The following COL12A1 variants were observed in gnomAD, a reference collection of about 807,000 sequenced individuals.
The protein encoded by COL12A1 is collagen alpha-1(XII) chain.
In COL12A1, 114 loss-of-function variants were observed where a neutral mutation model predicts 349.7. The observed-to-expected ratio is 0.33, with a 90% confidence interval of 0.28 to 0.38. The LOEUF (loss-of-function observed/expected upper bound fraction) is 0.38. Ranked by LOEUF, COL12A1 falls within the 10% of genes least tolerant of loss-of-function variation. The probability of loss-of-function intolerance (pLI) is 1.00; values close to 1 mark genes in which losing one functional copy is unlikely to be tolerated. For missense variants in COL12A1, 3,284 were observed against 3,756.9 expected, an observed-to-expected ratio of 0.87 and a Z score of 3.29; for synonymous variants, 1,369 against 1,329.0, an observed-to-expected ratio of 1.03 and a Z score of -0.66.
intron 1 of COL12A1, among the ~76,000 whole-genome samples, chr6:75,203,390 C>G (rs1245198828): frequency 6.6e-6 from 1 of 152,062 alleles, no homozygotes; most frequent in Non-Finnish European, 1.5e-5. Context: ...GAAACCTGAC[C>G]CTCCTGCTAA....
chr6:75,120,469 G>A (rs1351484301), intron 44 of COL12A1, among the ~76,000 whole-genome samples: 1 of 152,146 alleles, frequency 6.6e-6, no homozygotes, highest in Non-Finnish European at 1.5e-5. Context: ...AAGAAAAGGA[G>A]AGAATTGTTT....
In COL12A1 at chr6:75,086,523, A is replaced by G. The variant is rs1348345423; in HGVS notation, c.*24T>C. On this transcript the variant is annotated 3_prime_UTR_variant, in exon 66 of 66. Coordinates refer to ENST00000322507, the MANE Select transcript of COL12A1 (RefSeq NM_004370.6). ...ATTTTCATGTATTCAAACTGTAAGC[A>G]GCACTGGCGACTTAGAAAATGTGTT... is the stretch of plus-strand genomic sequence containing the variant. 1.2e-6 allele frequency: 2 copies of G among 1,606,152 alleles called. No individual in the cohort carries two copies. The highest frequency in any genetic ancestry group is 8.5e-7 in the Non-Finnish European group (1 of 1,175,176).
chr6:75,115,702 C>A, intron 49 of COL12A1, 82 bp downstream of exon 49: 1 of 1,500,818 alleles, frequency 6.7e-7, no homozygotes, highest in Non-Finnish European at 8.9e-7. Flanking sequence ...TCTAAAGTCC[C>A]AGGATTCTGG....
chr6:75,168,107 T>A (rs755236635), intron 13 of COL12A1, among the ~76,000 whole-genome samples: 3 of 152,158 alleles, frequency 2.0e-5, no homozygotes, highest in Non-Finnish European at 4.4e-5. Flanking sequence ...AGGAGAAAGA[T>A]AGTTCAATCG....
intron 39 of COL12A1, 115 bp downstream of exon 39, chr6:75,126,236 C>G: frequency 8.2e-7 from 1 of 1,219,412 alleles, no homozygotes; most frequent in Non-Finnish European, 1.1e-6. Flanking sequence ...TTACAGGAAA[C>G]TTGGTGTGAT....
In COL12A1 at chr6:75,091,357, T is replaced by C; in HGVS notation, c.8718A>G (p.Ala2906=). Residue 2906 remains alanine, a synonymous_variant, in exon 62 of 66, where the codon GCA becomes GCG. Transcript: ENST00000322507. Reference sequence around the variant, plus strand: ...ATTGTTCACAGACTTGTCTTGCAACTGCTCGCATCATGTTCTGGGAAGCAA... The same window carrying C: ...ATTGTTCACAGACTTGTCTTGCAACCGCTCGCATCATGTTCTGGGAAGCAA... ...GDIASQNMMR[A]VARQVCEQLI... 1 of 1,613,836 alleles carries C rather than the reference T, an allele frequency of 6.2e-7. No individual in the cohort carries two copies. The highest frequency in any genetic ancestry group is 8.5e-7 in the Non-Finnish European group (1 of 1,179,938).
intron 52 of COL12A1, among the ~76,000 whole-genome samples, chr6:75,106,818 T>G (rs76925099): frequency 6.6e-6 from 1 of 152,072 alleles, no homozygotes; most frequent in Non-Finnish European, 1.5e-5. Context: ...ATTCACCTCT[T>G]TGGCTGAAAT....
chr6:75,183,602 C>T lies in COL12A1; in HGVS notation c.1339G>A (p.Gly447Ser). 2 of 1,612,932 alleles carry T rather than the reference C, an allele frequency of 1.2e-6. No homozygotes were observed. The highest frequency in any genetic ancestry group is 1.1e-5 in the South Asian group (1 of 90,744). ...TTTGCAATCCCAATGCTATAGGAGCCATCAACCAAAAACACAATATCGGCT... is the reference window on the plus strand; with the variant it reads ...TTTGCAATCCCAATGCTATAGGAGCTATCAACCAAAAACACAATATCGGCT... ...IKADIVFLVD[G>S]SYSIGIANFV... The change falls in exon 10 of 66, where the codon GGC (glycine) becomes AGC (serine). Residue 447 changes from glycine (G) to serine (S), a missense_variant. Physicochemically the swap from Gly to Ser is moderately conservative, Grantham distance 56. Transcript: ENST00000322507.
intron 2 of COL12A1, among the ~76,000 whole-genome samples, chr6:75,197,680 G>A (rs959070097): frequency 1.3e-5 from 2 of 152,100 alleles, no homozygotes; most frequent in African/African-American, 4.8e-5. Flanking sequence ...TGCATAGGAT[G>A]AGAATCCAAA....
intron 13 of COL12A1, among the ~76,000 whole-genome samples, chr6:75,167,023 T>C: frequency 6.6e-6 from 1 of 152,152 alleles, no homozygotes; most frequent in East Asian, 1.9e-4. Flanking sequence ...GGAAGGAAAT[T>C]AGTTACATAT....
At chr6:75,123,226 A>T (rs1290882710) in intron 43 of COL12A1, 104 bp downstream of exon 43, 1 of 1,026,432 alleles carries the variant, frequency 9.7e-7, no homozygotes, top group Non-Finnish European at 1.5e-6. Context: ...GCAATAATAG[A>T]TCAGAAATGT....
At chr6:75,124,146 A>G in intron 41 of COL12A1, 52 bp from the exon 42 acceptor site, 1 of 1,595,932 alleles carries the variant, frequency 6.3e-7, no homozygotes, top group Non-Finnish European at 8.6e-7. Flanking sequence ...TTATATTTCA[A>G]GAAAATTTTA....
chr6:75,115,661 C>A, intron 49 of COL12A1, 123 bp downstream of exon 49: 1 of 1,236,776 alleles, frequency 8.1e-7, no homozygotes, highest in Non-Finnish European at 1.1e-6. Context: ...GAAAACCAAT[C>A]AGGGTCATCC....
chr6:75,179,582 A>G (rs1022716484), intron 11 of COL12A1, among the ~76,000 whole-genome samples: 2 of 152,130 alleles, frequency 1.3e-5, no homozygotes, highest in African/African-American at 4.8e-5. Context: ...TATCTGAAAA[A>G]TGTTTCACAG....
chr6:75,152,237 A>G lies in COL12A1; in HGVS notation c.3729T>C (p.Tyr1243=), dbSNP rs374534617. ...GCCACTCTGTTCTGGGATCCCCACT[A>G]TACTGAGCAAGAGCTAAAATGACAC... ...PKRVQIALAQ[Y]SGDPRTEWQL... is the part of the protein sequence containing the mutation. The change falls in exon 19 of 66, where the codon TAT becomes TAC. Residue 1243 remains tyrosine, a synonymous_variant. Transcript: ENST00000322507. The G allele has an allele frequency of 1.6e-5, 26 of 1,613,622 alleles. No individual in the cohort carries two copies. The highest frequency in any genetic ancestry group is 1.9e-5 in the Non-Finnish European group (23 of 1,179,756).
Position 75,113,369 on chromosome 6 carries a change from A to C in COL12A1, c.7841-56T>G. The C allele has an allele frequency of 2.6e-6, 3 of 1,146,358 alleles. No homozygotes were observed. In the South Asian group the frequency reaches 5.0e-5, roughly 19 times the overall value. The allele number at this position is 1,146,358 out of a possible 1,614,324, so 71.0% of individuals were successfully genotyped here. A position where few individuals can be genotyped will look rare whatever the true frequency, so the allele number is the denominator to read the frequency against. ...ATATGCATTGTATAATTTTTATTTA[A>C]AGTATTAGCAAATAATTCTTGTTGG... is the stretch of plus-strand genomic sequence containing the variant. On this transcript the variant is annotated intron_variant, in intron 50 of 65. Transcript: ENST00000322507.
At chr6:75,142,291 T>C in intron 26 of COL12A1, 130 bp from the exon 27 acceptor site, 3 of 1,061,000 alleles carry the variant, frequency 2.8e-6, no homozygotes, top group Admixed American at 4.5e-5. Flanking sequence ...TTTTCCAATA[T>C]ACATGAGAAT....
chr6:75,154,317 A>G lies in COL12A1; in HGVS notation c.3565+99T>C, dbSNP rs554086360. ...TTATTGAAATAAATTTTAGTGTAAA[A>G]TTTGTATCATTGTTTTCCATTGTAT... On this transcript the variant is annotated intron_variant, in intron 17 of 65. Transcript: ENST00000322507. The G allele has an allele frequency of 7.6e-4, 1,008 of 1,323,002 alleles. 1 individual carries two copies. Among genetic ancestry groups the G allele is most frequent in the Middle Eastern group, 3.8e-3 (19 of 5,008 alleles). 82.0% of individuals were successfully genotyped at this position (1,323,002 alleles called of 1,614,324 possible). A position where few individuals can be genotyped will look rare whatever the true frequency, so the allele number is the denominator to read the frequency against.
chr6:75,152,244 G>T lies in COL12A1; in HGVS notation c.3722C>A (p.Ala1241Asp). The T allele has an allele frequency of 1.2e-6, 2 of 1,613,732 alleles. No individual in the cohort carries two copies. The highest frequency in any genetic ancestry group is 8.5e-7 in the Non-Finnish European group (1 of 1,179,752). ...IGPKRVQIAL[A>D]QYSGDPRTEW... ...TGTTCTGGGATCCCCACTATACTGA[G>T]CAAGAGCTAAAATGACACCACTGGC... The change falls in exon 19 of 66, where the codon GCT becomes GAT. Residue 1241 changes from alanine (A) to aspartate (D), a missense_variant. This residue lies in a region of COL12A1 where 2,601 missense variants were observed against 2,824.8 expected (regional missense o/e 0.92). Transcript: ENST00000322507.
Sources: allele counts gnomAD v4.1 joint callset (sites outside exome capture counted in the v4.1 genomes callset), GRCh38; gene constraint gnomAD v4.1.1; regional missense constraint gnomAD v4.1.1; transcripts MANE v1.5; gene names NCBI Gene and HGNC (gene_info 2026-07-23, HGNC 2026-07-21).